The following BMP5 variants were observed in gnomAD, a reference collection of about 807,000 sequenced individuals.
BMP5 encodes bone morphogenetic protein 5.
In BMP5, 23 loss-of-function variants were observed where a neutral mutation model predicts 46.6. That is an observed-to-expected ratio of 0.49 (90% CI 0.35 to 0.70). BMP5 has a LOEUF of 0.70. BMP5 is among the 30% of genes least tolerant of loss of function. BMP5 has a pLI of 0.00. For synonymous variants in BMP5, 204 were observed against 191.9 expected (o/e 1.06, Z -0.52); for missense variants, 545 against 565.6 (o/e 0.96, Z 0.37).
intron 4 of BMP5, chr6:55,772,689 T>C (rs768655068): frequency 7.7e-5 from 68 of 884,144 alleles, no homozygotes; most frequent in Non-Finnish European, 8.7e-5. Flanking sequence ...AAGGCACTAG[T>C]GTCATGCTTT....
chr6:55,795,610 G>T (rs896854919), intron 2 of BMP5, among the ~76,000 whole-genome samples: 1 of 151,920 alleles, frequency 6.6e-6, no homozygotes. Flanking sequence ...ATTTAAAAGT[G>T]AACCATTTTA....
rs148009615 is a variant in BMP5, at chr6:55,765,379, T to G, written c.1028-4846A>C. ...GCTAAATATGATGATATGCTGCTGT[T>G]TCAAAGCAAAAGAGGAGATGTTAGT... is the stretch of plus-strand genomic sequence containing the variant. On this transcript the variant is annotated intron_variant, in intron 4 of 6. Coordinates refer to ENST00000370830, the MANE Select transcript of BMP5 (RefSeq NM_021073.4). 3.0e-3 allele frequency among the ~76,000 whole-genome samples: 451 copies of G among 152,274 alleles called. 3 individuals carry two copies. Among genetic ancestry groups the G allele is most frequent in the Admixed American group, 5.6e-3 (85 of 15,294 alleles).
rs1777878950 is a variant in BMP5, at chr6:55,875,122, G to A, written c.-257C>T. ...TTCCAATTATCCACAGTTGTTAAGA[G>A]TTTTTGCTGCATTGATGTAGCAGAA... On this transcript the variant is annotated 5_prime_UTR_variant, in exon 1 of 7. Transcript: ENST00000370830. The A allele has an allele frequency of 2.4e-6, 1 of 410,666 alleles. No individual in the cohort carries two copies. Among genetic ancestry groups the A allele is most frequent in the Non-Finnish European group, 4.4e-6 (1 of 225,522 alleles). 25.4% of individuals were successfully genotyped at this position (410,666 alleles called of 1,614,324 possible).
intron 3 of BMP5, among the ~76,000 whole-genome samples, chr6:55,793,233 C>T (rs562700797): frequency 1.2e-4 from 19 of 152,268 alleles, no homozygotes; most frequent in Admixed American, 9.8e-4. Context: ...ATCACCATCA[C>T]CACAGTCTGC....
At chr6:55,812,055 CT>C (rs746717128) in intron 2 of BMP5, among the ~76,000 whole-genome samples, 7 of 152,128 alleles carry the variant, frequency 4.6e-5, no homozygotes, top group Admixed American at 1.3e-4. Flanking sequence ...CCAAGCTCAG[CT>C]GAATTATCTG....
At chr6:55,846,805 CAA>C (rs1777108104) in intron 1 of BMP5, among the ~76,000 whole-genome samples, 1 of 151,178 alleles carries the variant, frequency 6.6e-6, no homozygotes, top group South Asian at 2.1e-4. Context: ...GAGTAATACC[CAA>C]GTTTTATATA....
At chr6:55,755,763 A>C (rs1774577312) in intron 6 of BMP5, 81 bp from the exon 7 acceptor site, 1 of 1,315,550 alleles carries the variant, frequency 7.6e-7, no homozygotes, top group African/African-American at 1.5e-5. Context: ...TGATTATTTT[A>C]TCACTCATAA....
intron 1 of BMP5, among the ~76,000 whole-genome samples, chr6:55,874,051 T>C (rs1777844447): frequency 6.6e-6 from 1 of 152,068 alleles, no homozygotes; most frequent in African/African-American, 2.4e-5. Context: ...CTTTTTTTTA[T>C]TGTTGCCCAT....
At chr6:55,833,754 A>T (rs1285302834) in intron 1 of BMP5, among the ~76,000 whole-genome samples, 1 of 152,212 alleles carries the variant, frequency 6.6e-6, no homozygotes. Flanking sequence ...AGTGGCACAG[A>T]AACTAAAGGA....
At chr6:55,792,426 C>T (rs979567340) in intron 3 of BMP5, among the ~76,000 whole-genome samples, 1 of 150,714 alleles carries the variant, frequency 6.6e-6, no homozygotes, top group Non-Finnish European at 1.5e-5. Flanking sequence ...CCCGGCTACT[C>T]GGGAGGCTGA....
chr6:55,761,729 C>T (rs228136), intron 4 of BMP5, among the ~76,000 whole-genome samples: 134,827 of 152,124 alleles, frequency 0.89, 59,900 homozygotes, highest in African/African-American at 0.95. Context: ...TTCTCTCACT[C>T]TGTTCTGATT....
intron 4 of BMP5, among the ~76,000 whole-genome samples, chr6:55,771,726 G>T (rs1316516924): frequency 6.6e-6 from 1 of 151,766 alleles, no homozygotes; most frequent in Non-Finnish European, 1.5e-5. Context: ...TTCAACATTT[G>T]ATAATATGCT....
chr6:55,768,294 T>A (rs1176793452), intron 4 of BMP5, among the ~76,000 whole-genome samples: 1 of 151,986 alleles, frequency 6.6e-6, no homozygotes, highest in African/African-American at 2.4e-5. Context: ...TGATTTACAA[T>A]GCTTTGACTT....
At chr6:55,756,273 G>A (rs1187559249) in intron 6 of BMP5, among the ~76,000 whole-genome samples, 2 of 151,840 alleles carry the variant, frequency 1.3e-5, no homozygotes, top group South Asian at 2.1e-4. Flanking sequence ...CACATTGGCT[G>A]GAGTTTAATA....
chr6:55,794,082 G>C (rs1177213979), intron 3 of BMP5, among the ~76,000 whole-genome samples, 197 bp downstream of exon 3: 1 of 152,050 alleles, frequency 6.6e-6, no homozygotes, highest in African/African-American at 2.4e-5. Flanking sequence ...TCCCACCCCA[G>C]AGCCTGACAA....
chr6:55,821,556 C>T (rs988795816), intron 1 of BMP5, among the ~76,000 whole-genome samples: 1 of 152,090 alleles, frequency 6.6e-6, no homozygotes, highest in Non-Finnish European at 1.5e-5. Context: ...AGTAACACCA[C>T]CTCACATGAT....
At chr6:55,836,618 A>G (rs62404963) in intron 1 of BMP5, among the ~76,000 whole-genome samples, 2 of 132,694 alleles carry the variant, frequency 1.5e-5, no homozygotes, top group Non-Finnish European at 3.1e-5. Context: ...ACACACACAA[A>G]CACATACATA....
intron 1 of BMP5, among the ~76,000 whole-genome samples, chr6:55,869,026 T>G (rs146120811): frequency 6.9e-4 from 105 of 152,274 alleles, no homozygotes; most frequent in Admixed American, 5.4e-3. Context: ...CTCCAACCCT[T>G]TCAGTGGTTC....
chr6:55,777,003 A>T (rs1775190532), intron 3 of BMP5, among the ~76,000 whole-genome samples: 1 of 151,940 alleles, frequency 6.6e-6, no homozygotes, highest in South Asian at 2.1e-4. Flanking sequence ...AACCAATGTG[A>T]ACTCCCTTTA....
Sources: allele counts gnomAD v4.1 joint callset (sites outside exome capture counted in the v4.1 genomes callset), GRCh38; gene constraint gnomAD v4.1.1; transcripts MANE v1.5; gene names NCBI Gene and HGNC (gene_info 2026-07-23, HGNC 2026-07-21).